C12orf42: variants seen among roughly 807,000 people sequenced by gnomAD.
The protein encoded by C12orf42 is chromosome 12 open reading frame 42.
C12orf42 carries 25 observed loss-of-function variants against 21.6 expected under a neutral mutation model. That is an observed-to-expected ratio of 1.16 (90% CI 0.84 to 1.62). The LOEUF is 1.62. Ranked by LOEUF, C12orf42 falls within the 40% of genes most tolerant of loss-of-function variation. The pLI, the probability that C12orf42 is intolerant of heterozygous loss-of-function variation, is 0.00. For synonymous variants in C12orf42, 174 were observed against 175.0 expected (o/e 0.99, Z 0.05); for missense variants, 483 against 459.3 (o/e 1.05, Z -0.47).
At chr12:103,201,505 T>TA in the C12orf42 span, among the ~76,000 whole-genome samples, 57 of 150,064 alleles carry the variant, frequency 3.8e-4, no homozygotes, top group African/African-American at 1.2e-3. Flanking sequence ...AAATGAAAAT[T>TA]AAAAAAAAAA....
the C12orf42 span, among the ~76,000 whole-genome samples, chr12:103,216,715 G>A: frequency 1.3e-5 from 2 of 152,060 alleles, no homozygotes; most frequent in African/African-American, 2.4e-5. Context: ...CAATAAGGAA[G>A]GCAGGGTGTG....
the C12orf42 span, among the ~76,000 whole-genome samples, chr12:103,509,237 A>G: frequency 6.6e-6 from 1 of 152,202 alleles, no homozygotes; most frequent in Non-Finnish European, 1.5e-5. Context: ...ACCTAACCTT[A>G]TGCTTCAATG....
the C12orf42 span, among the ~76,000 whole-genome samples, chr12:103,116,394 A>ATG: frequency 6.8e-6 from 1 of 147,586 alleles, no homozygotes; most frequent in Non-Finnish European, 1.5e-5. Flanking sequence ...ATATATATAT[A>ATG]TATATGTATA....
the C12orf42 span, among the ~76,000 whole-genome samples, chr12:103,166,879 T>C: frequency 4.3e-4 from 66 of 152,346 alleles, no homozygotes; most frequent in African/African-American, 1.6e-3. Flanking sequence ...AAAATAGAGC[T>C]TGGCACTTAG....
the C12orf42 span, among the ~76,000 whole-genome samples, chr12:103,119,134 G>A: frequency 6.6e-6 from 1 of 152,168 alleles, no homozygotes; most frequent in Non-Finnish European, 1.5e-5. Context: ...AAATGGTTAG[G>A]AGCGTATGGG....
At chr12:103,295,725 T>C (rs2037223987) in intron 4 of C12orf42, among the ~76,000 whole-genome samples, 1 of 152,210 alleles carries the variant, frequency 6.6e-6, no homozygotes, top group Admixed American at 6.5e-5. Flanking sequence ...TACGTACTAA[T>C]TATTGCTGAT....
chr12:103,553,068 G>A, the C12orf42 span, among the ~76,000 whole-genome samples: 2 of 152,112 alleles, frequency 1.3e-5, no homozygotes, highest in African/African-American at 2.4e-5. Flanking sequence ...TTTGGGTGGG[G>A]ACACAAAGCC....
At chr12:103,129,936 A>T in the C12orf42 span, among the ~76,000 whole-genome samples, 1 of 151,880 alleles carries the variant, frequency 6.6e-6, no homozygotes, top group Admixed American at 6.6e-5. Context: ...CCTTCCTTTC[A>T]TCCCTAGAAC....
chr12:103,437,764 T>C (rs930905086), intron 2 of C12orf42, among the ~76,000 whole-genome samples: 3 of 144,940 alleles, frequency 2.1e-5, no homozygotes, highest in African/African-American at 7.7e-5. Context: ...CAATAATTAA[T>C]AGCCTACCAA....
the C12orf42 span, chr12:103,178,575 T>G: frequency 4.6e-5 from 7 of 152,168 alleles, no homozygotes; most frequent in African/African-American, 1.7e-4. Flanking sequence ...TGAGCTGCTC[T>G]TACACATTCA....
chr12:103,118,125 G>A, the C12orf42 span, among the ~76,000 whole-genome samples: 1 of 152,184 alleles, frequency 6.6e-6, no homozygotes, highest in Admixed American at 6.5e-5. Flanking sequence ...CATGCCTGGA[G>A]GGAACTGTTA....
At chr12:103,415,331 G>A (rs1276575738) in intron 2 of C12orf42, among the ~76,000 whole-genome samples, 1 of 152,120 alleles carries the variant, frequency 6.6e-6, no homozygotes, top group Non-Finnish European at 1.5e-5. Context: ...ACTACTGGGA[G>A]ACTTCAACAC....
the C12orf42 span, among the ~76,000 whole-genome samples, chr12:103,063,066 C>T: frequency 6.6e-6 from 1 of 152,164 alleles, no homozygotes; most frequent in Non-Finnish European, 1.5e-5. Context: ...AAACACCGCT[C>T]ATGAGAGGCA....
intron 4 of C12orf42, among the ~76,000 whole-genome samples, chr12:103,290,512 A>G (rs78004694): frequency 0.014 from 2,171 of 152,234 alleles, 77 homozygotes; most frequent in African/African-American, 0.05. Context: ...AGTCAAACAC[A>G]TAAAAAATCT....
the C12orf42 span, among the ~76,000 whole-genome samples, chr12:103,501,873 A>AT: frequency 6.6e-6 from 1 of 152,268 alleles, no homozygotes; most frequent in African/African-American, 2.4e-5. Flanking sequence ...TAAAAAAGAC[A>AT]TTTTTTTAAC....
At chr12:103,103,706 C>T in the C12orf42 span, among the ~76,000 whole-genome samples, 15 of 151,760 alleles carry the variant, frequency 9.9e-5, no homozygotes, top group South Asian at 2.1e-4. Context: ...TTATTAAAAA[C>T]GTATTAAAAC....
the C12orf42 span, among the ~76,000 whole-genome samples, chr12:103,162,283 C>T: frequency 5.9e-5 from 9 of 152,144 alleles, no homozygotes; most frequent in Non-Finnish European, 7.4e-5. Flanking sequence ...GCCTCTCCAC[C>T]ACCCCCACTC....
At chr12:103,361,254 C>G (rs1157182872) in intron 4 of C12orf42, among the ~76,000 whole-genome samples, 1 of 152,104 alleles carries the variant, frequency 6.6e-6, no homozygotes, top group Non-Finnish European at 1.5e-5. Context: ...GAACACACAC[C>G]CTCACTGAGG....
At chr12:103,465,492 C>G (rs1411623433) in intron 2 of C12orf42, among the ~76,000 whole-genome samples, 1 of 152,116 alleles carries the variant, frequency 6.6e-6, no homozygotes, top group Non-Finnish European at 1.5e-5. Context: ...GTGTAAGAAG[C>G]TTTTGGGCTA....
Sources: allele counts gnomAD v4.1 joint callset (sites outside exome capture counted in the v4.1 genomes callset), GRCh38; gene constraint gnomAD v4.1.1; transcripts MANE v1.5; gene names NCBI Gene and HGNC (gene_info 2026-07-23, HGNC 2026-07-21).